Variants in RGS18 observed in about 807,000 individuals in gnomAD.
RGS18 encodes regulator of G protein signaling 18.
A neutral mutation model predicts 27.6 loss-of-function variants in RGS18; 22 were observed. That is an observed-to-expected ratio of 0.80 (90% CI 0.57 to 1.14). The LOEUF is 1.14. Among genes scored for constraint, RGS18 ranks in the 50% most tolerant of loss-of-function variants. The probability of loss-of-function intolerance (pLI) is 0.00; values close to 1 mark genes in which losing one functional copy is unlikely to be tolerated. For synonymous variants in RGS18, 89 were observed against 84.6 expected (o/e 1.05, Z -0.29); for missense variants, 299 against 269.6 (o/e 1.11, Z -0.76).
chr1:192,158,586 T>A lies in RGS18; in HGVS notation c.-52T>A, dbSNP rs1435245480. The A allele has an allele frequency of 6.9e-7, 1 of 1,445,446 alleles. No individual in the cohort carries two copies. The highest frequency in any genetic ancestry group is 9.2e-7 in the Non-Finnish European group (1 of 1,081,744). The allele number at this position is 1,445,446 out of a possible 1,614,324, so 89.5% of individuals were successfully genotyped here. A position where few individuals can be genotyped will look rare whatever the true frequency, so the allele number is the denominator to read the frequency against. Reference sequence around the variant, plus strand: ...ATATGTATGGAATAGTATTAATAAATGAACTAGGGAAGGATGTAATAAATT... The same window carrying A: ...ATATGTATGGAATAGTATTAATAAAAGAACTAGGGAAGGATGTAATAAATT... On this transcript the variant is annotated 5_prime_UTR_variant, in exon 1 of 5. An upstream start codon of the reference 5' UTR is lost. Transcript: ENST00000367460.
intron 3 of RGS18, among the ~76,000 whole-genome samples, chr1:192,166,321 G>A (rs186965967): frequency 6.6e-6 from 1 of 152,158 alleles, no homozygotes; most frequent in African/African-American, 2.4e-5. Context: ...AATTCAACAG[G>A]CAAAAGAAAA....
chr1:192,166,935 T>C (rs1056800025), intron 3 of RGS18, among the ~76,000 whole-genome samples: 1 of 152,214 alleles, frequency 6.6e-6, no homozygotes, highest in Non-Finnish European at 1.5e-5. Context: ...AATGAAAATG[T>C]TATATCTCAT....
At chr1:192,168,799 T>C (rs1233921392) in intron 3 of RGS18, 3 of 152,204 alleles carry the variant, frequency 2.0e-5, no homozygotes, top group South Asian at 4.1e-4. Context: ...GGTCCTGTAA[T>C]TTTAAATAAG....
intron 3 of RGS18, among the ~76,000 whole-genome samples, chr1:192,170,117 GT>G (rs996154517): frequency 6.6e-6 from 1 of 152,102 alleles, no homozygotes; most frequent in African/African-American, 2.4e-5. Context: ...ATAGATTATT[GT>G]TTTTTTGTGG....
At chr1:192,176,440 C>T (rs999495427) in intron 3 of RGS18, among the ~76,000 whole-genome samples, 10 of 151,696 alleles carry the variant, frequency 6.6e-5, no homozygotes, top group African/African-American at 2.4e-4. Context: ...ACCTAGCACT[C>T]ACTTCATGTG....
chr1:192,177,095 C>T (rs1184330274), intron 3 of RGS18, among the ~76,000 whole-genome samples: 1 of 151,676 alleles, frequency 6.6e-6, no homozygotes, highest in African/African-American at 2.4e-5. Flanking sequence ...TTTCATATGA[C>T]CAAAGAAGCA....
At chr1:192,172,762 G>A (rs2102156141) in intron 3 of RGS18, among the ~76,000 whole-genome samples, 1 of 151,158 alleles carries the variant, frequency 6.6e-6, no homozygotes, top group African/African-American at 2.4e-5. Context: ...ACTATATTTA[G>A]TTCCTTTTTT....
chr1:192,166,654 A>C (rs1656167598), intron 3 of RGS18, among the ~76,000 whole-genome samples: 1 of 152,176 alleles, frequency 6.6e-6, no homozygotes, highest in African/African-American at 2.4e-5. Context: ...AGATGAAGGA[A>C]TAGGAAACAA....
In RGS18 at chr1:192,170,124, T is replaced by G. The variant is rs554865530; in HGVS notation, c.283+9685T>G. 2.4e-3 allele frequency among the ~76,000 whole-genome samples: 358 copies of G among 152,292 alleles called. 4 individuals carry two copies. The highest frequency in any genetic ancestry group is 2.6e-3 in the Non-Finnish European group (178 of 68,016). ...GTTGGTGCATAGATTATTGTTTTTT[T>G]GTGGTGGTTTTCTTTTACAGACCTA... On this transcript the variant is annotated intron_variant, in intron 3 of 4. Transcript: ENST00000367460.
At chr1:192,160,304 T>C in intron 2 of RGS18, 74 bp from the exon 3 acceptor site, 1 of 781,250 alleles carries the variant, frequency 1.3e-6, no homozygotes, top group Non-Finnish European at 2.1e-6. Context: ...AGCAGTAAAA[T>C]AGCATATGTT....
At chr1:192,164,872 A>G (rs12091409) in intron 3 of RGS18, among the ~76,000 whole-genome samples, 185 of 152,312 alleles carry the variant, frequency 1.2e-3, no homozygotes, top group African/African-American at 4.2e-3. Flanking sequence ...GGACCCTGTG[A>G]TGATTGCGTT....
At chr1:192,163,991 T>C (rs1046080334) in intron 3 of RGS18, among the ~76,000 whole-genome samples, 2 of 152,002 alleles carry the variant, frequency 1.3e-5, no homozygotes, top group African/African-American at 4.8e-5. Flanking sequence ...TGCATACTTT[T>C]CTCAAATTCT....
At chr1:192,163,001 T>C (rs532909642) in intron 3 of RGS18, among the ~76,000 whole-genome samples, 1 of 152,220 alleles carries the variant, frequency 6.6e-6, no homozygotes, top group Non-Finnish European at 1.5e-5. Flanking sequence ...TAGAAGTTAG[T>C]CCAGAGTTCC....
chr1:192,183,053 A>C (rs1289684551), intron 4 of RGS18, among the ~76,000 whole-genome samples: 3 of 151,758 alleles, frequency 2.0e-5, no homozygotes, highest in Middle Eastern at 3.4e-3. Context: ...TAAGACTAGC[A>C]AATATGACTT....
intron 3 of RGS18, among the ~76,000 whole-genome samples, chr1:192,171,302 C>T (rs924334319): frequency 2.6e-5 from 4 of 151,970 alleles, no homozygotes; most frequent in African/African-American, 7.2e-5. Flanking sequence ...TCTCAGTGGT[C>T]AGAGTTTGCC....
intron 3 of RGS18, chr1:192,167,791 A>G (rs1656187781): frequency 6.6e-6 from 1 of 152,192 alleles, no homozygotes; most frequent in Non-Finnish European, 1.5e-5. Context: ...ATAACTCATC[A>G]CATAAATCAT....
At chr1:192,163,631 C>G (rs1376817903) in intron 3 of RGS18, 2 of 152,060 alleles carry the variant, frequency 1.3e-5, no homozygotes, top group Admixed American at 1.3e-4. Context: ...GATATTATCA[C>G]TTGTCATGAT....
intron 3 of RGS18, among the ~76,000 whole-genome samples, chr1:192,178,401 G>A (rs1057506435): frequency 6.6e-5 from 10 of 151,566 alleles, no homozygotes; most frequent in African/African-American, 2.4e-4. Context: ...TCGTATTTGG[G>A]TGTTGAAGTA....
At chr1:192,165,492 A>T (rs1656148405) in intron 3 of RGS18, among the ~76,000 whole-genome samples, 1 of 152,088 alleles carries the variant, frequency 6.6e-6, no homozygotes. Flanking sequence ...TGCTAATAAA[A>T]ACTTGCTGGT....
Sources: allele counts gnomAD v4.1 joint callset (sites outside exome capture counted in the v4.1 genomes callset), GRCh38; gene constraint gnomAD v4.1.1; transcripts MANE v1.5; gene names NCBI Gene and HGNC (gene_info 2026-07-23, HGNC 2026-07-21).